Variants in TRMT1L observed in about 807,000 individuals in gnomAD.
TRMT1L encodes tRNA (guanine(27)-N(2))-dimethyltransferase.
In TRMT1L, 28 loss-of-function variants were observed where a neutral mutation model predicts 81.6. The ratio of observed to expected loss-of-function variants is 0.34; its 90% CI spans 0.25 to 0.47. The LOEUF (loss-of-function observed/expected upper bound fraction) is 0.47, where lower values mean the gene tolerates loss of function less well. Ranked by LOEUF, TRMT1L falls within the 20% of genes least tolerant of loss-of-function variation. The pLI, the probability that TRMT1L is intolerant of heterozygous loss-of-function variation, is 1.00. For synonymous variants in TRMT1L, 301 were observed against 303.2 expected (o/e 0.99, Z 0.07); for missense variants, 739 against 877.1 (o/e 0.84, Z 1.99).
rs1653117092 is a variant in TRMT1L at position 185,143,933 on chromosome 1, T to C, written c.752A>G (p.Tyr251Cys). The C allele has an allele frequency of 2.5e-6, 4 of 1,608,366 alleles. No homozygotes were observed. Among genetic ancestry groups the C allele is most frequent in the African/African-American group, 1.3e-5 (1 of 74,780 alleles). Reference protein sequence around the residue: ...NYSIPQKTDSYFNPKMKLNRQ... With the variant: ...NYSIPQKTDSCFNPKMKLNRQ... ...ATTTAGTTTCATTTTGGGGTTAAAA[T>C]AGGAATCTGTTTTCTGAGGTATAGA... The change falls in exon 6 of 15, where the codon TAT becomes TGT. Residue 251 changes from tyrosine (Y) to cysteine (C), a missense_variant. This residue lies in a region of TRMT1L where 331 missense variants were observed against 462.2 expected (regional missense o/e 0.72). Coordinates refer to ENST00000367506, the MANE Select transcript of TRMT1L (RefSeq NM_030934.5).
chr1:185,151,024 C>A (rs905917993), intron 2 of TRMT1L, among the ~76,000 whole-genome samples: 7 of 152,162 alleles, frequency 4.6e-5, no homozygotes, highest in African/African-American at 1.7e-4. Context: ...ATAGTTACAG[C>A]CACCGTATCC....
chr1:185,146,653 T>C (rs1571355648), intron 4 of TRMT1L, among the ~76,000 whole-genome samples: 1 of 152,038 alleles, frequency 6.6e-6, no homozygotes, highest in East Asian at 1.9e-4. Context: ...TTCAGGATAG[T>C]GTCACTAAAA....
chr1:185,139,780 GAA>G (rs1652989205), intron 8 of TRMT1L, among the ~76,000 whole-genome samples, 191 bp downstream of exon 8: 1 of 152,160 alleles, frequency 6.6e-6, no homozygotes, highest in Non-Finnish European at 1.5e-5. Context: ...CGGGTTAGAG[GAA>G]AAGTCACATG....
intron 3 of TRMT1L, among the ~76,000 whole-genome samples, chr1:185,149,377 ACTG>A (rs1040500579): frequency 6.7e-6 from 1 of 149,406 alleles, no homozygotes; most frequent in Non-Finnish European, 1.5e-5. Flanking sequence ...CAATTATGGC[ACTG>A]CAGCCTCAAG....
intron 10 of TRMT1L, among the ~76,000 whole-genome samples, chr1:185,131,510 T>G (rs1341315278): frequency 2.6e-5 from 4 of 151,972 alleles, no homozygotes; most frequent in African/African-American, 9.7e-5. Flanking sequence ...GTATAATCAA[T>G]TCTTAGAAAG....
chr1:185,144,566 G>T (rs1374774715), intron 5 of TRMT1L, among the ~76,000 whole-genome samples: 1 of 151,580 alleles, frequency 6.6e-6, no homozygotes, highest in South Asian at 2.1e-4. Context: ...CATTGAAATG[G>T]CTACAAAGTA....
At chr1:185,135,603 A>C (rs1469037776) in intron 10 of TRMT1L, among the ~76,000 whole-genome samples, 1 of 152,028 alleles carries the variant, frequency 6.6e-6, no homozygotes, top group African/African-American at 2.4e-5. Flanking sequence ...TGTAAATAAA[A>C]CAGAAATGCT....
chr1:185,139,596 T>C lies in TRMT1L; in HGVS notation c.1110-17A>G, dbSNP rs1236533684. ...TCTAGATGTCTAAAATCAGAAAGAA[T>C]ATAGACATTTTAAAGTCATATTAGT... On this transcript the variant is annotated splice_polypyrimidine_tract_variant and intron_variant, in intron 8 of 14. Transcript: ENST00000367506. The C allele has an allele frequency of 6.4e-7, 1 of 1,571,448 alleles. No individual in the cohort carries two copies. Among genetic ancestry groups the C allele is most frequent in the South Asian group, 1.1e-5 (1 of 87,232 alleles).
At chr1:185,122,174 C>A (rs1652516251) in intron 13 of TRMT1L, among the ~76,000 whole-genome samples, 1 of 152,116 alleles carries the variant, frequency 6.6e-6, no homozygotes, top group Non-Finnish European at 1.5e-5. Flanking sequence ...TTTTCTTTAT[C>A]CAGTCCATTG....
intron 1 of TRMT1L, among the ~76,000 whole-genome samples, chr1:185,154,428 T>A (rs964863513): frequency 6.6e-6 from 1 of 152,218 alleles, no homozygotes; most frequent in South Asian, 2.1e-4. Flanking sequence ...TGAGTTATAA[T>A]GAGATATAAT....
chr1:185,132,102 C>T (rs1407115216), intron 10 of TRMT1L, among the ~76,000 whole-genome samples: 1 of 151,992 alleles, frequency 6.6e-6, no homozygotes, highest in African/African-American at 2.4e-5. Flanking sequence ...GATCACACCA[C>T]TGCACTCCAC....
intron 5 of TRMT1L, among the ~76,000 whole-genome samples, chr1:185,144,542 CAAGTCACAAATT>C (rs1295205572): frequency 1.3e-5 from 2 of 151,780 alleles, no homozygotes; most frequent in African/African-American, 4.8e-5. Flanking sequence ...ATAATGATTT[CAAGTCACAAATT>C]ACATTGAAAT....
In TRMT1L at chr1:185,119,660, G is replaced by C. The variant is rs1652448118; in HGVS notation, c.*359C>G. 1.1e-5 allele frequency: 2 copies of C among 178,682 alleles called. No homozygotes were observed. Among genetic ancestry groups the C allele is most frequent in the Admixed American group, 1.1e-4 (2 of 17,564 alleles). The allele number at this position is 178,682 out of a possible 1,614,324, so 11.1% of individuals were successfully genotyped here. A position where few individuals can be genotyped will look rare whatever the true frequency, so the allele number is the denominator to read the frequency against. On this transcript the variant is annotated 3_prime_UTR_variant, in exon 15 of 15. Transcript: ENST00000367506. Reference sequence around the variant, plus strand: ...AGGAAAACATAAACATCATGAATCAGTTTAGGCAGAGATGTGATTAAGAAT... The same window carrying C: ...AGGAAAACATAAACATCATGAATCACTTTAGGCAGAGATGTGATTAAGAAT...
In TRMT1L at chr1:185,151,895, C is replaced by A. The variant is rs774200818; in HGVS notation, c.276G>T (p.Glu92Asp). The A allele has an allele frequency of 1.2e-6, 2 of 1,604,004 alleles. No individual in the cohort carries two copies. Among genetic ancestry groups the A allele is most frequent in the Non-Finnish European group, 1.7e-6 (2 of 1,176,392 alleles). Residue 92 changes from glutamate to aspartate, a missense_variant, in exon 2 of 15, where the codon GAG becomes GAT. By Grantham distance (45) the Glu-to-Asp change is conservative (BLOSUM62 2). This residue lies in a region of TRMT1L where 209 missense variants were observed against 165.4 expected (regional missense o/e 1.26). Transcript: ENST00000367506. The stretch of plus-strand genomic sequence containing the variant: ...TTCCATCAGTTACAAAAGCTAAATT[C>A]TCTAGATCAGCAAGCTGCCTTTGAA... The part of the protein sequence containing the change: ...ISIQRQLADL[E>D]NLAFVTDGNF...
chr1:185,142,843 A>G (rs1189930199), intron 7 of TRMT1L, among the ~76,000 whole-genome samples: 1 of 152,092 alleles, frequency 6.6e-6, no homozygotes, highest in Non-Finnish European at 1.5e-5. Flanking sequence ...TGATAGAAGG[A>G]CCCATAGATT....
At chr1:185,143,246 T>A in intron 7 of TRMT1L, 111 bp downstream of exon 7, 1 of 931,724 alleles carries the variant, frequency 1.1e-6, no homozygotes, top group Non-Finnish European at 1.6e-6. Flanking sequence ...ATTAAAAATT[T>A]TGCCTTGGAT....
At chr1:185,142,380 G>T (rs182798350) in intron 7 of TRMT1L, among the ~76,000 whole-genome samples, 1 of 152,160 alleles carries the variant, frequency 6.6e-6, no homozygotes, top group Non-Finnish European at 1.5e-5. Context: ...GCTAACTCAT[G>T]CTTTCACTCC....
intron 1 of TRMT1L, among the ~76,000 whole-genome samples, chr1:185,153,991 A>G (rs1469446985): frequency 6.6e-6 from 1 of 152,178 alleles, no homozygotes; most frequent in African/African-American, 2.4e-5. Context: ...ACAGAAGACA[A>G]GGCCTATTTC....
intron 10 of TRMT1L, among the ~76,000 whole-genome samples, chr1:185,133,620 T>C (rs1245893408): frequency 6.6e-6 from 1 of 150,502 alleles, no homozygotes; most frequent in Non-Finnish European, 1.5e-5. Context: ...TTTTAAGAGA[T>C]GGCATCTTGC....
Sources: gnomAD v4.1 joint callset for allele counts (sites outside exome capture counted in the v4.1 genomes callset) on GRCh38, gnomAD v4.1.1 for gene constraint, gnomAD v4.1.1 regional missense constraint, MANE v1.5 for transcripts, NCBI Gene and HGNC (gene_info 2026-07-23, HGNC 2026-07-21) for gene names.